LRRIQ3: variants seen among roughly 807,000 people sequenced by gnomAD.
The protein encoded by LRRIQ3 is leucine-rich repeat and IQ domain-containing protein 3.
Under a neutral mutation model 59.3 loss-of-function variants are expected in LRRIQ3, and 75 were observed. That is an observed-to-expected ratio of 1.26 (90% CI 1.05 to 1.53). The LOEUF is 1.53. Among genes scored for constraint, LRRIQ3 ranks in the 40% most tolerant of loss-of-function variants. LRRIQ3 has a pLI of 0.00. For missense variants in LRRIQ3, 831 were observed against 710.0 expected, an observed-to-expected ratio of 1.17 and a Z score of -1.94; for synonymous variants, 250 against 231.3, an observed-to-expected ratio of 1.08 and a Z score of -0.73.
chr1:74,108,206 C>G (rs1646640408), intron 5 of LRRIQ3, among the ~76,000 whole-genome samples: 1 of 151,720 alleles, frequency 6.6e-6, no homozygotes, highest in Non-Finnish European at 1.5e-5. Context: ...ATATCATACT[C>G]TCTAATCATA....
intron 4 of LRRIQ3, among the ~76,000 whole-genome samples, chr1:74,127,845 C>T (rs1447336552): frequency 6.6e-6 from 1 of 151,922 alleles, no homozygotes; most frequent in Admixed American, 6.6e-5. Context: ...TTTCTTATTG[C>T]TCATTAACTT....
Position 74,155,748 on chromosome 1 carries a change from A to G in LRRIQ3, c.692T>C (p.Val231Ala). The G allele has an allele frequency of 6.4e-7, 1 of 1,570,212 alleles. No individual in the cohort carries two copies. The highest frequency in any genetic ancestry group is 2.1e-5 in the Admixed American group (1 of 47,576). The change falls in exon 4 of 8, where the codon GTT becomes GCT. Residue 231 changes from valine to alanine, a missense_variant. Transcript: ENST00000354431. ...IVQRWIRGFL[V>A]RKNLSPVFFH... ...CAAAACATACCTCAAATTTTTTCTA[A>G]CTAAGAAACCACGTATCCATCTTTG...
At chr1:74,194,127 G>C (rs1650942963) in intron 1 of LRRIQ3, among the ~76,000 whole-genome samples, 1 of 152,124 alleles carries the variant, frequency 6.6e-6, no homozygotes, top group Non-Finnish European at 1.5e-5. Context: ...AGAACTTTGA[G>C]AGGCCAAGGC....
chr1:74,164,274 T>A (rs1648836297), intron 3 of LRRIQ3, among the ~76,000 whole-genome samples: 1 of 151,458 alleles, frequency 6.6e-6, no homozygotes, highest in Non-Finnish European at 1.5e-5. Flanking sequence ...GTGACTGTAT[T>A]TGGAGATAGA....
intron 3 of LRRIQ3, among the ~76,000 whole-genome samples, chr1:74,164,510 T>G (rs531071752): frequency 6.6e-6 from 1 of 151,594 alleles, no homozygotes; most frequent in East Asian, 1.9e-4. Context: ...TGTAAATAAA[T>G]AAATACATTT....
chr1:74,117,290 C>T (rs1646790433), intron 4 of LRRIQ3, among the ~76,000 whole-genome samples: 1 of 152,108 alleles, frequency 6.6e-6, no homozygotes, highest in South Asian at 2.1e-4. Context: ...CCTCCAACCA[C>T]CTTCATTCCT....
At chr1:74,144,324 C>A in intron 4 of LRRIQ3, 1 of 216,152 alleles carries the variant, frequency 4.6e-6, no homozygotes, top group Non-Finnish European at 1.0e-5. Context: ...ATCAACAATG[C>A]AGATTTCTAA....
chr1:74,113,493 G>A (rs966276324), intron 4 of LRRIQ3, among the ~76,000 whole-genome samples: 2 of 152,026 alleles, frequency 1.3e-5, no homozygotes, highest in African/African-American at 4.8e-5. Context: ...TCTAAAGACA[G>A]AAAATCTCGA....
intron 3 of LRRIQ3, among the ~76,000 whole-genome samples, chr1:74,179,263 C>A (rs1298534805): frequency 6.6e-6 from 1 of 151,854 alleles, no homozygotes; most frequent in Admixed American, 6.6e-5. Context: ...AAAGAAGAAC[C>A]CATGCTTCCT....
intron 5 of LRRIQ3, among the ~76,000 whole-genome samples, chr1:74,095,696 C>G (rs1472182576): frequency 6.6e-6 from 1 of 151,906 alleles, no homozygotes; most frequent in African/African-American, 2.4e-5. Flanking sequence ...CCATATATAA[C>G]TAAACCATGG....
intron 6 of LRRIQ3, among the ~76,000 whole-genome samples, chr1:74,062,877 G>A (rs1042325955): frequency 5.9e-5 from 9 of 151,788 alleles, no homozygotes; most frequent in Non-Finnish European, 1.2e-4. Flanking sequence ...AATACCTATC[G>A]GATACTATGC....
chr1:74,117,114 G>GTATATCAAAA (rs915697047), intron 4 of LRRIQ3, among the ~76,000 whole-genome samples: 3 of 152,048 alleles, frequency 2.0e-5, no homozygotes, highest in African/African-American at 7.2e-5. Flanking sequence ...CAGAACATTT[G>GTATATCAAAA]TATATCAAAA....
At chr1:74,035,172 T>C (rs577067460) in intron 7 of LRRIQ3, among the ~76,000 whole-genome samples, 7 of 152,192 alleles carry the variant, frequency 4.6e-5, no homozygotes, top group African/African-American at 1.7e-4. Flanking sequence ...AATAATTGTG[T>C]TCAGCTAAGT....
intron 1 of LRRIQ3, among the ~76,000 whole-genome samples, chr1:74,192,808 A>G (rs573979393): frequency 2.5e-4 from 38 of 152,308 alleles, no homozygotes; most frequent in Non-Finnish European, 4.9e-4. Flanking sequence ...TGTGTCAGTT[A>G]TTTATATTAT....
intron 7 of LRRIQ3, among the ~76,000 whole-genome samples, chr1:74,033,079 G>T (rs1034210206): frequency 6.6e-6 from 1 of 151,980 alleles, no homozygotes; most frequent in Non-Finnish European, 1.5e-5. Context: ...ATAGAAAGCT[G>T]TACTGTTGAA....
chr1:74,175,809 G>A (rs927178309), intron 3 of LRRIQ3, among the ~76,000 whole-genome samples: 2 of 152,114 alleles, frequency 1.3e-5, no homozygotes, highest in African/African-American at 4.8e-5. Context: ...TTTCTTAGTA[G>A]ATGCTTTAAC....
At chr1:74,087,702 C>T (rs1280533689) in intron 5 of LRRIQ3, among the ~76,000 whole-genome samples, 1 of 151,902 alleles carries the variant, frequency 6.6e-6, no homozygotes, top group Non-Finnish European at 1.5e-5. Context: ...ATCTACGGAC[C>T]TTTAAGTATA....
At chr1:74,030,895 GAACTCA>G (rs1172545043) in intron 7 of LRRIQ3, among the ~76,000 whole-genome samples, 1 of 152,084 alleles carries the variant, frequency 6.6e-6, no homozygotes, top group Non-Finnish European at 1.5e-5. Flanking sequence ...AATCTACAAA[GAACTCA>G]AACAAATTTA....
intron 1 of LRRIQ3, among the ~76,000 whole-genome samples, chr1:74,186,393 A>AGG (rs1650380070): frequency 6.6e-6 from 1 of 152,176 alleles, no homozygotes. Context: ...GATCTCAGAT[A>AGG]TATTAGAGAA....
Sources: allele counts gnomAD v4.1 joint callset (sites outside exome capture counted in the v4.1 genomes callset), GRCh38; gene constraint gnomAD v4.1.1; transcripts MANE v1.5; gene names NCBI Gene and HGNC (gene_info 2026-07-23, HGNC 2026-07-21).